SIPA1L3: variants seen among roughly 807,000 people sequenced by gnomAD.
SIPA1L3 encodes the protein signal induced proliferation associated 1 like 3, also known as signal-induced proliferation-associated 1-like protein 3.
A neutral mutation model predicts 150.1 loss-of-function variants in SIPA1L3; 59 were observed. The observed-to-expected ratio is 0.39, with a 90% confidence interval of 0.32 to 0.49. The LOEUF is 0.49. SIPA1L3 is among the 20% of genes least tolerant of loss of function. SIPA1L3 has a pLI of 0.86. For synonymous variants in SIPA1L3, 1,070 were observed against 1,077.6 expected, an observed-to-expected ratio of 0.99 and a Z score of 0.14; for missense variants, 2,211 against 2,489.5, an observed-to-expected ratio of 0.89 and a Z score of 2.38.
At chr19:38,054,920 C>A (rs10421137) in intron 2 of SIPA1L3, among the ~76,000 whole-genome samples, 1 of 151,954 alleles carries the variant, frequency 6.6e-6, no homozygotes, top group Non-Finnish European at 1.5e-5. Flanking sequence ...TCCATGTTCC[C>A]GGGAGCCCCT....
rs1973213196 is a variant in SIPA1L3 at position 38,206,346 on chromosome 19, T to G, written c.*106T>G. On this transcript the variant is annotated 3_prime_UTR_variant, in exon 22 of 22. Transcript: ENST00000222345. Reference sequence around the variant, plus strand: ...CTGCCGGTGTGACCAAGATGACCCATCCAGGGCCCTCCCCATGGACACGGA... The same window carrying G: ...CTGCCGGTGTGACCAAGATGACCCAGCCAGGGCCCTCCCCATGGACACGGA... 2 of 1,315,090 alleles carry G rather than the reference T, an allele frequency of 1.5e-6. No homozygotes were observed. Among genetic ancestry groups the G allele is most frequent in the Admixed American group, 5.5e-5 (2 of 36,378 alleles). The allele number at this position is 1,315,090 out of a possible 1,614,324, so 81.5% of individuals were successfully genotyped here.
chr19:38,010,531 C>T (rs531402597), intron 1 of SIPA1L3, among the ~76,000 whole-genome samples: 2 of 151,790 alleles, frequency 1.3e-5, no homozygotes, highest in East Asian at 1.9e-4. Flanking sequence ...GCCAACATGG[C>T]GAAACCCTGT....
intron 15 of SIPA1L3, 147 bp from the exon 16 acceptor site, chr19:38,182,372 G>A (rs1030891110): frequency 1.1e-5 from 7 of 666,540 alleles, no homozygotes; most frequent in Admixed American, 2.7e-5. Flanking sequence ...CGTCTATACT[G>A]TTGGAATTTT....
At chr19:38,154,861 A>G (rs1971909166) in intron 13 of SIPA1L3, among the ~76,000 whole-genome samples, 1 of 150,760 alleles carries the variant, frequency 6.6e-6, no homozygotes, top group Non-Finnish European at 1.5e-5. Flanking sequence ...TCCCAGGCTC[A>G]AGCGATTCTC....
chr19:38,199,621 G>A (rs1344303602), intron 19 of SIPA1L3, among the ~76,000 whole-genome samples: 1 of 152,074 alleles, frequency 6.6e-6, no homozygotes, highest in African/African-American at 2.4e-5. Flanking sequence ...AGAGGGGGGA[G>A]TAGCAGAAAG....
In SIPA1L3 at chr19:38,081,786, T is replaced by C. The variant is rs548172526; in HGVS notation, c.221T>C (p.Met74Thr). The C allele has an allele frequency of 6.6e-6, 10 of 1,511,422 alleles. No individual in the cohort carries two copies. The South Asian group carries it at 7.8e-5, about 12-fold the overall frequency. The allele number at this position is 1,511,422 out of a possible 1,614,324, so 93.6% of individuals were successfully genotyped here. A position where few individuals can be genotyped will look rare whatever the true frequency, so the allele number is the denominator to read the frequency against. The change falls in exon 3 of 22, where the codon ATG becomes ACG. Residue 74 changes from methionine (M) to threonine (T), a missense_variant. By Grantham distance (81) the Met-to-Thr change is moderately conservative. This residue lies in a region of SIPA1L3 where 130 missense variants were observed against 174.5 expected (regional missense o/e 0.74). Transcript: ENST00000222345. ...TTRPSPTTPAMPKMGVRARVA... is the reference protein window; with the variant it reads ...TTRPSPTTPATPKMGVRARVA... ...CGCCCCAGCCCCACCACTCCCGCAA[T>C]GCCCAAGATGGGCGTGCGCGCAAGG...
At chr19:38,012,823 G>A (rs1968136113) in intron 1 of SIPA1L3, among the ~76,000 whole-genome samples, 2 of 152,216 alleles carry the variant, frequency 1.3e-5, no homozygotes, top group South Asian at 4.1e-4. Flanking sequence ...AGTGGCTGGT[G>A]TGGCCTTTGG....
intron 1 of SIPA1L3, among the ~76,000 whole-genome samples, chr19:37,916,192 A>G (rs1443622377): frequency 6.6e-6 from 1 of 151,528 alleles, no homozygotes; most frequent in African/African-American, 2.4e-5. Flanking sequence ...ACACCCGGCT[A>G]ATTTTTATAT....
intron 16 of SIPA1L3, among the ~76,000 whole-genome samples, chr19:38,190,490 G>GA (rs1157088395): frequency 6.6e-6 from 1 of 152,102 alleles, no homozygotes; most frequent in Non-Finnish European, 1.5e-5. Flanking sequence ...ACCTGACCAG[G>GA]AAAAAACCTG....
At chr19:38,193,825 T>G (rs775474513) in intron 18 of SIPA1L3, 45 bp downstream of exon 18, 11 of 1,492,510 alleles carry the variant, frequency 7.4e-6, no homozygotes, top group Non-Finnish European at 7.9e-6. Context: ...TACCCCAAGG[T>G]TGGGAGGTGG....
chr19:38,191,946 C>A (rs1972813677), intron 16 of SIPA1L3, among the ~76,000 whole-genome samples, 199 bp from the exon 17 acceptor site: 1 of 152,220 alleles, frequency 6.6e-6, no homozygotes, highest in African/African-American at 2.4e-5. Context: ...ACAGCACAGC[C>A]AGCTCTGTGT....
At chr19:38,165,071 A>G (rs1475157398) in intron 15 of SIPA1L3, among the ~76,000 whole-genome samples, 165 bp downstream of exon 15, 1 of 152,146 alleles carries the variant, frequency 6.6e-6, no homozygotes, top group Non-Finnish European at 1.5e-5. Context: ...TCTCTGCCTT[A>G]TTGCCCATCC....
intron 1 of SIPA1L3, among the ~76,000 whole-genome samples, chr19:37,993,680 C>G (rs940634572): frequency 6.6e-6 from 1 of 152,104 alleles, no homozygotes; most frequent in African/African-American, 2.4e-5. Context: ...AGCTAGCATT[C>G]GAGCCTTTGT....
intron 4 of SIPA1L3, among the ~76,000 whole-genome samples, chr19:38,093,303 T>G (rs941660624): frequency 1.3e-5 from 2 of 151,990 alleles, no homozygotes; most frequent in African/African-American, 4.8e-5. Context: ...AGTGCAGAGG[T>G]CCTGAGGCGG....
Position 38,164,945 on chromosome 19 carries a change from C to T in SIPA1L3, c.4208+39C>T. The T allele has an allele frequency of 1.3e-6, 2 of 1,488,454 alleles. No homozygotes were observed. Among genetic ancestry groups the T allele is most frequent in the South Asian group, 1.4e-5 (1 of 74,010 alleles). The allele number at this position is 1,488,454 out of a possible 1,614,324, so 92.2% of individuals were successfully genotyped here. A position where few individuals can be genotyped will look rare whatever the true frequency, so the allele number is the denominator to read the frequency against. On this transcript the variant is annotated intron_variant, in intron 15 of 21. Coordinates refer to ENST00000222345, the MANE Select transcript of SIPA1L3 (RefSeq NM_015073.3). The surrounding 1 kb of genome is among the most constrained non-coding windows in gnomAD (Gnocchi z 4.1). ...CCTAGTCTGGGTTCTAACCACCTTCCACTTCGCCAGTTCTACTTTTACGGT... is the reference window on the plus strand; with the variant it reads ...CCTAGTCTGGGTTCTAACCACCTTCTACTTCGCCAGTTCTACTTTTACGGT...
At chr19:37,986,070 C>T (rs1967342725) in intron 1 of SIPA1L3, among the ~76,000 whole-genome samples, 1 of 152,218 alleles carries the variant, frequency 6.6e-6, no homozygotes, top group Non-Finnish European at 1.5e-5. Flanking sequence ...CCAAGCCAGA[C>T]TGGGCATGCT....
chr19:37,988,849 G>A (rs1480339032), intron 1 of SIPA1L3, among the ~76,000 whole-genome samples: 2 of 151,998 alleles, frequency 1.3e-5, no homozygotes, highest in East Asian at 3.9e-4. Context: ...CACCAGGCAC[G>A]TTCGCTCTCC....
intron 1 of SIPA1L3, among the ~76,000 whole-genome samples, chr19:37,999,448 T>C (rs577125418): frequency 1.3e-5 from 2 of 152,338 alleles, no homozygotes; most frequent in African/African-American, 4.8e-5. Flanking sequence ...CCCATCCTTG[T>C]TAAACAGGCA....
At position 38,201,988 on chromosome 19, in the gene SIPA1L3, C is replaced by T; in HGVS notation, c.5111C>T (p.Pro1704Leu). Residue 1704 changes from proline (P) to leucine (L), a missense_variant, in exon 20 of 22, where the codon CCT becomes CTT. Around this residue, in one of 5 missense-constraint regions of SIPA1L3, gnomAD observed 63 missense variants for 106.1 expected, o/e 0.59. Transcript: ENST00000222345. ...ERGPPTPRTT[P>L]TMSEEPPLDL... is the part of the protein sequence containing the mutation. ...GGACCCCCGACCCCCAGGACCACCC[C>T]TACCATGAGGTGAGGTTTCCCTGGG... 6.2e-7 allele frequency: 1 copy of T among 1,610,322 alleles called. No homozygotes were observed. Among genetic ancestry groups the T allele is most frequent in the Non-Finnish European group, 8.5e-7 (1 of 1,178,438 alleles).
Sources: allele counts gnomAD v4.1 joint callset (sites outside exome capture counted in the v4.1 genomes callset), GRCh38; gene constraint gnomAD v4.1.1; regional missense constraint gnomAD v4.1.1; non-coding constraint Gnocchi (gnomAD v3.1); transcripts MANE v1.5; gene names NCBI Gene and HGNC (gene_info 2026-07-23, HGNC 2026-07-21).